WDPCP: variants seen among roughly 807,000 people sequenced by gnomAD.
The protein encoded by WDPCP is WD repeat-containing and planar cell polarity effector protein fritz homolog.
Under a neutral mutation model 93.1 loss-of-function variants are expected in WDPCP, and 71 were observed. The observed-to-expected ratio is 0.76, with a 90% CI of 0.63 to 0.93. The LOEUF is 0.93. Among genes scored for constraint, WDPCP ranks in the 40% least tolerant of loss-of-function variants. The probability of loss-of-function intolerance (pLI) is 0.00; values close to 1 mark genes in which losing one functional copy is unlikely to be tolerated. For missense variants in WDPCP, 844 were observed against 887.4 expected (o/e 0.95, Z 0.62); for synonymous variants, 315 against 315.0 (o/e 1.00, Z 0.00).
In WDPCP at chr2:63,701,140, C is replaced by T. The variant is rs185113896; in HGVS notation, n.309-50302G>A. ...ATTAATAACCAGGATATATAAGGAG[C>T]TCAAACAACTCAATAGCAAAACAAC... On this transcript the variant is annotated intron_variant and non_coding_transcript_variant, in intron 2 of 4. Transcript: ENST00000467687. Among the ~76,000 whole-genome samples, 5 of 152,194 alleles carry T rather than the reference C, an allele frequency of 3.3e-5. No individual in the cohort carries two copies. The East Asian group carries it at 9.6e-4, about 29-fold the overall frequency.
chr2:63,637,753 G>T (rs1475075725), intron 3 of WDPCP, among the ~76,000 whole-genome samples: 2 of 152,150 alleles, frequency 1.3e-5, no homozygotes, highest in Non-Finnish European at 2.9e-5. Context: ...ACATCTGTTA[G>T]GATGTCTCTA....
intron 9 of WDPCP, among the ~76,000 whole-genome samples, chr2:63,406,111 T>C (rs906910798): frequency 2.6e-5 from 4 of 151,998 alleles, no homozygotes; most frequent in East Asian, 1.9e-4. Context: ...AAAAAGCACA[T>C]AGAGCTGTGT....
At chr2:63,806,362 T>C (rs547846590) in intron 2 of WDPCP, among the ~76,000 whole-genome samples, 1 of 150,102 alleles carries the variant, frequency 6.7e-6, no homozygotes. Flanking sequence ...GGGGAGGGAG[T>C]GTGCGAATAG....
At chr2:63,453,919 G>A (rs889991684) in intron 6 of WDPCP, among the ~76,000 whole-genome samples, 1 of 135,444 alleles carries the variant, frequency 7.4e-6, no homozygotes, top group Non-Finnish European at 1.5e-5. Flanking sequence ...ACAGGGTAAG[G>A]AACGGAACAT....
At chr2:63,711,133 C>G (rs1465318079) in intron 2 of WDPCP, among the ~76,000 whole-genome samples, 1 of 151,966 alleles carries the variant, frequency 6.6e-6, no homozygotes. Flanking sequence ...TTTCTTTGGA[C>G]CAAAGGAAAA....
chr2:63,808,892 A>G (rs1161847526), intron 2 of WDPCP, among the ~76,000 whole-genome samples: 2 of 147,744 alleles, frequency 1.4e-5, no homozygotes, highest in Non-Finnish European at 1.5e-5. Context: ...CATCTAGGAA[A>G]TGAGGAGCGC....
chr2:63,174,288 A>C (rs1673630385), intron 15 of WDPCP, among the ~76,000 whole-genome samples: 3 of 152,230 alleles, frequency 2.0e-5, no homozygotes, highest in Admixed American at 6.5e-5. Flanking sequence ...CATTTATCAG[A>C]TTTCAAAAAC....
intron 17 of WDPCP, among the ~76,000 whole-genome samples, chr2:63,146,761 A>G (rs1012299414): frequency 6.6e-6 from 1 of 152,248 alleles, no homozygotes; most frequent in African/African-American, 2.4e-5. Flanking sequence ...TTTGAAATGT[A>G]TCAAAAATAA....
At chr2:63,511,350 C>T (rs192644324) in intron 1 of WDPCP, among the ~76,000 whole-genome samples, 2 of 152,222 alleles carry the variant, frequency 1.3e-5, no homozygotes, top group African/African-American at 2.4e-5. Context: ...CAATGGTATT[C>T]CCATCAAGCT....
intron 1 of WDPCP, among the ~76,000 whole-genome samples, chr2:63,527,681 C>T (rs1703455429): frequency 6.6e-6 from 1 of 151,956 alleles, no homozygotes; most frequent in Non-Finnish European, 1.5e-5. Context: ...AGTAAACATA[C>T]GTGTGCATGT....
intron 3 of WDPCP, chr2:63,643,050 A>G: frequency 6.5e-6 from 1 of 153,994 alleles, no homozygotes; most frequent in Non-Finnish European, 1.4e-5. Flanking sequence ...GTTGAATTTT[A>G]TCAAATGCTT....
chr2:63,806,545 A>G (rs1670765352), intron 2 of WDPCP, among the ~76,000 whole-genome samples: 1 of 152,194 alleles, frequency 6.6e-6, no homozygotes, highest in Non-Finnish European at 1.5e-5. Context: ...TTTGAGATCA[A>G]CCGGTCTGAC....
At chr2:63,744,839 AAT>A (rs920468536) in intron 2 of WDPCP, among the ~76,000 whole-genome samples, 47 of 152,054 alleles carry the variant, frequency 3.1e-4, no homozygotes, top group African/African-American at 1.1e-3. Context: ...CTCCTGCACA[AAT>A]AGTTTCACCA....
chr2:63,501,922 T>C (rs1233781965), intron 1 of WDPCP, among the ~76,000 whole-genome samples: 1 of 152,194 alleles, frequency 6.6e-6, no homozygotes, highest in African/African-American at 2.4e-5. Context: ...GACTGGTCTT[T>C]TGTTTCTTCT....
intron 6 of WDPCP, among the ~76,000 whole-genome samples, chr2:63,481,649 C>G (rs531157305): frequency 2.0e-5 from 3 of 152,006 alleles, no homozygotes; most frequent in Admixed American, 2.0e-4. Flanking sequence ...GAATGGAAAA[C>G]CAGACACTGT....
intron 14 of WDPCP, among the ~76,000 whole-genome samples, chr2:63,245,817 A>G (rs1269722127): frequency 6.6e-6 from 1 of 152,162 alleles, no homozygotes; most frequent in Non-Finnish European, 1.5e-5. Context: ...TTATGGGTAC[A>G]TGTGATGTTC....
At chr2:63,606,436 A>G (rs1015973581) in intron 3 of WDPCP, among the ~76,000 whole-genome samples, 1 of 152,112 alleles carries the variant, frequency 6.6e-6, no homozygotes, top group Non-Finnish European at 1.5e-5. Flanking sequence ...TAAAATAGAC[A>G]TTTTTCTCAG....
At chr2:63,453,334 C>T (rs888704946) in intron 6 of WDPCP, among the ~76,000 whole-genome samples, 4 of 152,128 alleles carry the variant, frequency 2.6e-5, no homozygotes, top group African/African-American at 9.7e-5. Flanking sequence ...CCAACAGACA[C>T]ATGAAAAAAT....
intron 14 of WDPCP, among the ~76,000 whole-genome samples, chr2:63,218,678 C>T (rs942826217): frequency 2.0e-5 from 3 of 151,892 alleles, no homozygotes; most frequent in South Asian, 2.1e-4. Context: ...TAAAGGCGTG[C>T]GACACTACGC....
Sources: allele counts gnomAD v4.1 joint callset (sites outside exome capture counted in the v4.1 genomes callset), GRCh38; gene constraint gnomAD v4.1.1; transcripts MANE v1.5; gene names NCBI Gene and HGNC (gene_info 2026-07-23, HGNC 2026-07-21).